IGSF21: variants seen among roughly 807,000 people sequenced by gnomAD.
IGSF21 encodes the protein immunoglobin superfamily member 21.
Under a neutral mutation model 46.8 loss-of-function variants are expected in IGSF21, and 28 were observed. The observed-to-expected ratio is 0.60, with a 90% CI of 0.44 to 0.82. IGSF21 has a LOEUF of 0.82. IGSF21 is among the 40% of genes least tolerant of loss of function. The probability of loss-of-function intolerance (pLI) is 0.00; values close to 1 mark genes in which losing one functional copy is unlikely to be tolerated. For missense variants in IGSF21, 624 were observed against 665.5 expected (o/e 0.94, Z 0.69); for synonymous variants, 284 against 273.6 (o/e 1.04, Z -0.38).
At chr1:18,198,402 G>A (rs905564424) in intron 1 of IGSF21, among the ~76,000 whole-genome samples, 1 of 152,226 alleles carries the variant, frequency 6.6e-6, no homozygotes, top group Non-Finnish European at 1.5e-5. Flanking sequence ...TGCCCATGCA[G>A]AGAGGGGAGC....
chr1:18,284,008 T>C (rs2085188119), intron 2 of IGSF21, among the ~76,000 whole-genome samples: 1 of 152,196 alleles, frequency 6.6e-6, no homozygotes, highest in Non-Finnish European at 1.5e-5. Context: ...CAGGCTCCAC[T>C]GCAGGAGTCG....
chr1:18,364,209 G>A (rs2086134521), intron 5 of IGSF21, among the ~76,000 whole-genome samples: 1 of 151,844 alleles, frequency 6.6e-6, no homozygotes. Context: ...TGAGACATCA[G>A]AACTTTAAAG....
chr1:18,173,185 G>A (rs1275109100), intron 1 of IGSF21, among the ~76,000 whole-genome samples: 1 of 152,128 alleles, frequency 6.6e-6, no homozygotes, highest in Non-Finnish European at 1.5e-5. Context: ...CTACTTGGGA[G>A]GCTGAGGCAG....
At chr1:18,194,447 C>A (rs2086988155) in intron 1 of IGSF21, among the ~76,000 whole-genome samples, 1 of 152,150 alleles carries the variant, frequency 6.6e-6, no homozygotes, top group Admixed American at 6.5e-5. Context: ...GTCGGCAGGG[C>A]CATACTCTCT....
At chr1:18,262,393 G>A (rs1264797992) in intron 2 of IGSF21, among the ~76,000 whole-genome samples, 1 of 152,208 alleles carries the variant, frequency 6.6e-6, no homozygotes, top group Non-Finnish European at 1.5e-5. Context: ...TGCAAGCTCA[G>A]AGGGTCCGGC....
intron 1 of IGSF21, among the ~76,000 whole-genome samples, chr1:18,195,286 G>T (rs1368285542): frequency 1.3e-5 from 2 of 152,310 alleles, no homozygotes; most frequent in Admixed American, 6.5e-5. Context: ...CAGCCAAGCT[G>T]TCTCCAGGGG....
intron 2 of IGSF21, among the ~76,000 whole-genome samples, chr1:18,260,166 C>T (rs984421870): frequency 5.3e-5 from 8 of 152,152 alleles, no homozygotes; most frequent in Admixed American, 1.3e-4. Flanking sequence ...AGAGGATGAG[C>T]GAAGATGTGG....
At chr1:18,295,270 T>C (rs1231945708) in intron 3 of IGSF21, among the ~76,000 whole-genome samples, 1 of 152,166 alleles carries the variant, frequency 6.6e-6, no homozygotes, top group African/African-American at 2.4e-5. Context: ...TTCTAGGTCT[T>C]AGCCCCAGAG....
At chr1:18,292,607 G>T (rs770186882) in intron 3 of IGSF21, among the ~76,000 whole-genome samples, 4 of 152,104 alleles carry the variant, frequency 2.6e-5, no homozygotes, top group African/African-American at 4.8e-5. Context: ...TATGTGTGTG[G>T]CTCTATCTCC....
intron 3 of IGSF21, among the ~76,000 whole-genome samples, chr1:18,326,202 C>CAAATGTTA (rs2085656670): frequency 6.6e-6 from 1 of 152,230 alleles, no homozygotes; most frequent in Non-Finnish European, 1.5e-5. Context: ...ATGTTGCCCC[C>CAAATGTTA]ATATCACAGG....
At chr1:18,361,497 C>A in intron 4 of IGSF21, 1 of 152,610 alleles carries the variant, frequency 6.6e-6, no homozygotes, top group Non-Finnish European at 1.5e-5. Flanking sequence ...CAGCACACCA[C>A]GTGCTCTGTG....
intron 2 of IGSF21, among the ~76,000 whole-genome samples, chr1:18,274,230 A>G (rs1378819369): frequency 6.6e-6 from 1 of 152,156 alleles, no homozygotes; most frequent in Non-Finnish European, 1.5e-5. Context: ...AGGCCTATGA[A>G]GGCTATAACC....
chr1:18,244,925 G>A (rs2084770225), intron 2 of IGSF21, among the ~76,000 whole-genome samples: 1 of 152,144 alleles, frequency 6.6e-6, no homozygotes, highest in Non-Finnish European at 1.5e-5. Context: ...TTGCCACTTA[G>A]AAGCTGTGTG....
chr1:18,117,733 G>T (rs2086199830), intron 1 of IGSF21, among the ~76,000 whole-genome samples: 1 of 152,200 alleles, frequency 6.6e-6, no homozygotes. Context: ...CAGGAGGAGA[G>T]GATGCATGGC....
At chr1:18,158,478 T>A (rs774099420) in intron 1 of IGSF21, among the ~76,000 whole-genome samples, 3 of 152,282 alleles carry the variant, frequency 2.0e-5, no homozygotes, top group South Asian at 2.1e-4. Context: ...TGACAGGACA[T>A]CTGAGTCACT....
intron 2 of IGSF21, among the ~76,000 whole-genome samples, chr1:18,276,774 A>C (rs759700584): frequency 7.9e-5 from 12 of 151,614 alleles, no homozygotes; most frequent in Non-Finnish European, 1.5e-4. Flanking sequence ...ACCTGCATAG[A>C]CTCCCTGTCT....
At position 18,158,086 on chromosome 1, in the gene IGSF21, G is replaced by T. The variant is rs1488831320; in HGVS notation, c.70+49888G>T. On this transcript the variant is annotated intron_variant, in intron 1 of 9. Coordinates refer to ENST00000251296, the MANE Select transcript of IGSF21 (RefSeq NM_032880.5). ...CATCAAACTGGGATCTTTCCCTAAG[G>T]GCAAGCTCAGTGGCGCCCCCATCAG... Among the ~76,000 whole-genome samples the T allele has an allele frequency of 2.6e-5, 4 of 152,212 alleles. No individual in the cohort carries two copies. The East Asian group carries it at 7.8e-4, about 30-fold the overall frequency.
At chr1:18,169,636 G>A (rs945428185) in intron 1 of IGSF21, among the ~76,000 whole-genome samples, 3 of 152,186 alleles carry the variant, frequency 2.0e-5, no homozygotes, top group Admixed American at 1.3e-4. Flanking sequence ...CCCAGCCCAG[G>A]GTAGGGAGTT....
Position 18,361,993 on chromosome 1 carries a change from C to A in IGSF21, c.425-122C>A, listed in dbSNP as rs2086105628. The A allele has an allele frequency of 4.6e-6, 3 of 652,524 alleles. No homozygotes were observed. The Admixed American group carries it at 7.4e-5, about 16-fold the overall frequency. The allele number at this position is 652,524 out of a possible 1,614,324, so 40.4% of individuals were successfully genotyped here. ...ACCAATGGCACCCCCTGGAGTTTGG[C>A]AACACCTGCCCTCCCCCACCCCCGG... is the stretch of plus-strand genomic sequence containing the variant. On this transcript the variant is annotated intron_variant, in intron 4 of 9. Coordinates refer to ENST00000251296, the MANE Select transcript of IGSF21 (RefSeq NM_032880.5).
Sources: gnomAD v4.1 joint callset for allele counts (sites outside exome capture counted in the v4.1 genomes callset) on GRCh38, gnomAD v4.1.1 for gene constraint, MANE v1.5 for transcripts, NCBI Gene and HGNC (gene_info 2026-07-23, HGNC 2026-07-21) for gene names.